Variants in CA10 observed in about 807,000 individuals in gnomAD.
CA10 encodes carbonic anhydrase 10 (inactive).
In CA10, 14 loss-of-function variants were observed where a neutral mutation model predicts 44.2. That is an observed-to-expected ratio of 0.32 (90% CI 0.21 to 0.50). CA10 has a LOEUF of 0.50. CA10 is among the 20% of genes least tolerant of loss of function. The probability of loss-of-function intolerance (pLI) is 0.99; values close to 1 mark genes in which losing one functional copy is unlikely to be tolerated. For synonymous variants in CA10, 159 were observed against 141.6 expected (o/e 1.12, Z -0.87); for missense variants, 350 against 409.7 (o/e 0.85, Z 1.26).
At chr17:52,103,615 C>A (rs1988590856) in intron 1 of CA10, among the ~76,000 whole-genome samples, 1 of 152,172 alleles carries the variant, frequency 6.6e-6, no homozygotes, top group African/African-American at 2.4e-5. Context: ...GATTAGGTGG[C>A]CATGACTGTT....
intron 6 of CA10, among the ~76,000 whole-genome samples, chr17:51,637,473 G>A (rs930556612): frequency 1.4e-4 from 21 of 152,210 alleles, no homozygotes; most frequent in African/African-American, 2.2e-4. Context: ...ACATGGCAGG[G>A]TCCCAAAGCC....
At chr17:51,667,450 G>T (rs965426131) in intron 4 of CA10, among the ~76,000 whole-genome samples, 8 of 152,058 alleles carry the variant, frequency 5.3e-5, no homozygotes, top group Non-Finnish European at 1.2e-4. Context: ...AGCCCTTGTG[G>T]TATATATGTG....
At position 51,666,642 on chromosome 17, in the gene CA10, T is replaced by C. The variant is rs1163122329; in HGVS notation, c.466-12906A>G. Among the ~76,000 whole-genome samples, 9 of 152,348 alleles carry C rather than the reference T, an allele frequency of 5.9e-5. No individual in the cohort carries two copies. In the East Asian group the frequency reaches 1.3e-3, roughly 23 times the overall value. On this transcript the variant is annotated intron_variant, in intron 4 of 8. Transcript: ENST00000451037. ...CCAGGTATTCCTAATCCTGGAATCA[T>C]ATCACTCAAATTTAATAACCTCTCT... is the stretch of plus-strand genomic sequence containing the variant.
At chr17:51,655,591 G>A (rs1256669741) in intron 4 of CA10, among the ~76,000 whole-genome samples, 1 of 152,210 alleles carries the variant, frequency 6.6e-6, no homozygotes, top group African/African-American at 2.4e-5. Context: ...ACCTGTGCCT[G>A]TCTATGCCTT....
At chr17:51,804,750 A>G (rs1907064594) in intron 3 of CA10, among the ~76,000 whole-genome samples, 1 of 152,218 alleles carries the variant, frequency 6.6e-6, no homozygotes, top group African/African-American at 2.4e-5. Context: ...ATTTTTACTA[A>G]TTAAATACGT....
chr17:51,661,904 C>G (rs567123126), intron 4 of CA10: 5 of 152,182 alleles, frequency 3.3e-5, no homozygotes, highest in Non-Finnish European at 1.5e-5. Flanking sequence ...GTACCTGTCA[C>G]AACTACTCAA....
chr17:51,645,950 T>G (rs753956743), intron 6 of CA10, among the ~76,000 whole-genome samples: 1 of 152,198 alleles, frequency 6.6e-6, no homozygotes, highest in Non-Finnish European at 1.5e-5. Flanking sequence ...GTCACATCAC[T>G]TATTTCTTCC....
chr17:52,036,443 T>G (rs1247210755), intron 2 of CA10, among the ~76,000 whole-genome samples: 1 of 152,168 alleles, frequency 6.6e-6, no homozygotes, highest in Non-Finnish European at 1.5e-5. Context: ...GTAAGACTCC[T>G]GGGAGCATAG....
chr17:52,078,981 T>C (rs541319766), intron 1 of CA10, among the ~76,000 whole-genome samples: 55 of 152,170 alleles, frequency 3.6e-4, no homozygotes, highest in Non-Finnish European at 6.6e-4. Flanking sequence ...AGAGAATATA[T>C]CTTATTTTAA....
At chr17:52,047,976 G>A (rs1986957175) in intron 2 of CA10, among the ~76,000 whole-genome samples, 1 of 150,428 alleles carries the variant, frequency 6.6e-6, no homozygotes, top group Non-Finnish European at 1.5e-5. Flanking sequence ...GAAAACAAAT[G>A]AATTTTCAAG....
chr17:51,996,492 A>T (rs966946679), intron 2 of CA10, among the ~76,000 whole-genome samples: 5 of 152,020 alleles, frequency 3.3e-5, no homozygotes, highest in Non-Finnish European at 7.4e-5. Context: ...CACAAAAACA[A>T]GTTCAATCTC....
intron 4 of CA10, among the ~76,000 whole-genome samples, chr17:51,717,635 GCATGTA>G (rs539256975): frequency 0.16 from 6,696 of 41,376 alleles, 1,291 homozygotes; most frequent in East Asian, 0.34. Flanking sequence ...GCACATATAT[GCATGTA>G]TATATACATA....
chr17:51,786,206 T>TTGTGTGTGTGTGTG (rs775761105), intron 3 of CA10, among the ~76,000 whole-genome samples: 5 of 123,716 alleles, frequency 4.0e-5, no homozygotes, highest in African/African-American at 1.4e-4. Context: ...TCTAACATCT[T>TTGTGTGTGTGTGTG]TGTGTGTCTG....
chr17:51,852,188 T>C (rs891591652), intron 3 of CA10, among the ~76,000 whole-genome samples: 1 of 152,166 alleles, frequency 6.6e-6, no homozygotes, highest in Non-Finnish European at 1.5e-5. Context: ...ACTTGCAACA[T>C]TCATTTGTTT....
At chr17:52,016,709 T>C (rs1370570729) in intron 2 of CA10, among the ~76,000 whole-genome samples, 2 of 152,050 alleles carry the variant, frequency 1.3e-5, no homozygotes, top group Non-Finnish European at 2.9e-5. Flanking sequence ...GGTCAGAGGT[T>C]CAAGACTAGC....
intron 1 of CA10, among the ~76,000 whole-genome samples, chr17:52,118,308 G>A (rs1285946689): frequency 2.0e-5 from 3 of 152,192 alleles, no homozygotes; most frequent in Non-Finnish European, 4.4e-5. Flanking sequence ...AAAAGAAAGA[G>A]CAGACAAGAG....
chr17:52,061,018 A>G (rs963238268), intron 2 of CA10, among the ~76,000 whole-genome samples: 2 of 152,306 alleles, frequency 1.3e-5, no homozygotes, highest in African/African-American at 2.4e-5. Flanking sequence ...TGATGGGTTA[A>G]TTGTGCTTCC....
chr17:52,052,230 T>G (rs536828524), intron 2 of CA10, among the ~76,000 whole-genome samples: 1 of 150,128 alleles, frequency 6.7e-6, no homozygotes, highest in Non-Finnish European at 1.5e-5. Flanking sequence ...CAACCCCCCA[T>G]GACATAAGTT....
chr17:51,695,084 T>C (rs1249044134), intron 4 of CA10, among the ~76,000 whole-genome samples: 2 of 152,220 alleles, frequency 1.3e-5, no homozygotes, highest in Non-Finnish European at 2.9e-5. Flanking sequence ...TGAAGTTGGG[T>C]AATATGATTC....
Sources: allele counts gnomAD v4.1 joint callset (sites outside exome capture counted in the v4.1 genomes callset), GRCh38; gene constraint gnomAD v4.1.1; transcripts MANE v1.5; gene names NCBI Gene and HGNC (gene_info 2026-07-23, HGNC 2026-07-21).